Variants in ABHD2 observed in about 807,000 individuals in gnomAD.
ABHD2 encodes the protein monoacylglycerol lipase ABHD2.
Under a neutral mutation model 48.1 loss-of-function variants are expected in ABHD2, and 20 were observed. The observed-to-expected ratio is 0.42, with a 90% CI of 0.29 to 0.60. The LOEUF (loss-of-function observed/expected upper bound fraction) is 0.60, where lower values mean the gene tolerates loss of function less well. Among genes scored for constraint, ABHD2 ranks in the 20% least tolerant of loss-of-function variants. The probability of loss-of-function intolerance (pLI) is 0.24; values close to 1 mark genes in which losing one functional copy is unlikely to be tolerated. For missense variants in ABHD2, 405 were observed against 550.9 expected, an observed-to-expected ratio of 0.74 and a Z score of 2.65; for synonymous variants, 209 against 214.2, an observed-to-expected ratio of 0.98 and a Z score of 0.21.
At chr15:89,181,445 T>C (rs2150937452) in intron 6 of ABHD2, among the ~76,000 whole-genome samples, 1 of 152,254 alleles carries the variant, frequency 6.6e-6, no homozygotes, top group Admixed American at 6.5e-5. Context: ...TTCAAGGTAT[T>C]TTTTTAGTAT....
At chr15:89,053,580 G>A in the ABHD2 span, among the ~76,000 whole-genome samples, 1 of 152,198 alleles carries the variant, frequency 6.6e-6, no homozygotes, top group Non-Finnish European at 1.5e-5. Context: ...TTTGAAGGGA[G>A]TGTAAGGCCC....
chr15:89,063,745 T>G, the ABHD2 span, among the ~76,000 whole-genome samples: 1 of 152,160 alleles, frequency 6.6e-6, no homozygotes, highest in Non-Finnish European at 1.5e-5. Context: ...CTTCCAGAAC[T>G]TTTTCATCTT....
At position 89,092,202 on chromosome 15, in the gene ABHD2, T is replaced by A. The variant is rs970488327; in HGVS notation, c.-107+3639T>A. ...CCTGAAGCTTGTGGACTGGGGCCAT[T>A]TGGGTGAGGGGCTTGTTACACACCG... On this transcript the variant is annotated intron_variant, in intron 1 of 10. Transcript: ENST00000352732. This position sits in a 1 kb window ranked among gnomAD's most constrained non-coding sequence, Gnocchi z 4.4. Among the ~76,000 whole-genome samples the A allele has an allele frequency of 2.0e-5, 3 of 152,168 alleles. No individual in the cohort carries two copies. The highest frequency in any genetic ancestry group is 7.2e-5 in the African/African-American group (3 of 41,442).
At position 89,195,198 on chromosome 15, in the gene ABHD2, T is replaced by G; in HGVS notation, c.1082-29T>G. On this transcript the variant is annotated intron_variant, in intron 10 of 10. Coordinates refer to ENST00000352732, the MANE Select transcript of ABHD2 (RefSeq NM_152924.5). The surrounding 1 kb of genome is among the most constrained non-coding windows in gnomAD (Gnocchi z 5.1). Reference sequence around the variant, plus strand: ...TGTCCTGGAGCAAACTAGAGAACAGTAACTCACTCAGCTGCGTTTCCCCTG... The same window carrying G: ...TGTCCTGGAGCAAACTAGAGAACAGGAACTCACTCAGCTGCGTTTCCCCTG... 6.2e-7 allele frequency: 1 copy of G among 1,602,494 alleles called. No individual in the cohort carries two copies. Among genetic ancestry groups the G allele is most frequent in the Admixed American group, 1.7e-5 (1 of 59,304 alleles).
chr15:89,159,905 TG>T (rs1332204001), intron 5 of ABHD2, among the ~76,000 whole-genome samples: 1 of 152,232 alleles, frequency 6.6e-6, no homozygotes, highest in East Asian at 1.9e-4. Flanking sequence ...CCATACTATT[TG>T]TTTTTTTGTG....
intron 1 of ABHD2, among the ~76,000 whole-genome samples, chr15:89,098,164 G>A (rs2049643725): frequency 2.0e-5 from 3 of 152,226 alleles, no homozygotes; most frequent in South Asian, 2.1e-4. Context: ...ACAGATGTGC[G>A]CCATGGCACC....
intron 3 of ABHD2, among the ~76,000 whole-genome samples, chr15:89,129,612 G>C (rs2050187977): frequency 2.0e-5 from 3 of 152,052 alleles, no homozygotes; most frequent in Admixed American, 2.0e-4. Flanking sequence ...AAGTGAGAGG[G>C]TGAAGTTAGC....
chr15:89,158,769 GT>G (rs2050714866), intron 5 of ABHD2, among the ~76,000 whole-genome samples: 1 of 151,948 alleles, frequency 6.6e-6, no homozygotes, highest in Non-Finnish European at 1.5e-5. Flanking sequence ...AGGGAGTGAA[GT>G]AGTGCAATCA....
intron 3 of ABHD2, among the ~76,000 whole-genome samples, chr15:89,139,273 G>A (rs1200546535): frequency 6.6e-6 from 1 of 152,080 alleles, no homozygotes; most frequent in Non-Finnish European, 1.5e-5. Flanking sequence ...GAGAGATTTG[G>A]TGCTCAGAAA....
At chr15:89,152,667 C>T (rs1458973440) in intron 4 of ABHD2, among the ~76,000 whole-genome samples, 1 of 152,204 alleles carries the variant, frequency 6.6e-6, no homozygotes, top group Non-Finnish European at 1.5e-5. Context: ...CCCAGGTTCC[C>T]TTTGCTTAGG....
intron 1 of ABHD2, among the ~76,000 whole-genome samples, chr15:89,110,840 T>TG (rs1211547131): frequency 1.3e-5 from 2 of 152,238 alleles, no homozygotes; most frequent in Non-Finnish European, 2.9e-5. Context: ...AATTCTCTAC[T>TG]GCATTTGCTA....
At chr15:89,061,136 G>A in the ABHD2 span, among the ~76,000 whole-genome samples, 1 of 152,058 alleles carries the variant, frequency 6.6e-6, no homozygotes, top group Non-Finnish European at 1.5e-5. Flanking sequence ...CCTACTGGGG[G>A]CCGGGCATGG....
intron 3 of ABHD2, among the ~76,000 whole-genome samples, chr15:89,142,555 C>T (rs2289439): frequency 0.14 from 20,900 of 152,134 alleles, 1,822 homozygotes; most frequent in African/African-American, 0.24. Context: ...AATTAGAGCA[C>T]GGTAACTATT....
intron 9 of ABHD2, among the ~76,000 whole-genome samples, chr15:89,191,619 AT>A (rs2051306537): frequency 2.1e-5 from 3 of 140,924 alleles, no homozygotes; most frequent in African/African-American, 7.9e-5. Flanking sequence ...GAGCATGTCT[AT>A]TTTTTTCTTT....
chr15:89,056,768 C>G, the ABHD2 span, among the ~76,000 whole-genome samples: 2 of 152,206 alleles, frequency 1.3e-5, no homozygotes, highest in East Asian at 1.9e-4. Flanking sequence ...TCATTCACCT[C>G]ACTGGGCCTC....
rs760472202 is a variant in ABHD2 at position 89,146,574 on chromosome 15, G to A, written c.195-5103G>A. ...TGTTAGTAACAAACATTTATTAACCGCTGGCCACGGCACAACATTGGCCAC... is the reference window on the plus strand; with the variant it reads ...TGTTAGTAACAAACATTTATTAACCACTGGCCACGGCACAACATTGGCCAC... On this transcript the variant is annotated intron_variant, in intron 3 of 10. Coordinates refer to ENST00000352732, the MANE Select transcript of ABHD2 (RefSeq NM_152924.5). This position sits in a 1 kb window ranked among gnomAD's most constrained non-coding sequence, Gnocchi z 4.2. Among the ~76,000 whole-genome samples, 23 of 152,004 alleles carry A rather than the reference G, an allele frequency of 1.5e-4. No homozygotes were observed. Among genetic ancestry groups the A allele is most frequent in the Admixed American group, 3.9e-4 (6 of 15,260 alleles).
intron 3 of ABHD2, among the ~76,000 whole-genome samples, chr15:89,127,997 T>C (rs1022630406): frequency 6.6e-6 from 1 of 152,070 alleles, no homozygotes; most frequent in African/African-American, 2.4e-5. Flanking sequence ...CACATATGTA[T>C]CTCTCGTCAC....
upstream of ABHD2, among the ~76,000 whole-genome samples, chr15:89,083,269 G>C (rs577165054): frequency 2.2e-4 from 33 of 152,200 alleles, no homozygotes; most frequent in African/African-American, 7.7e-4. This position sits in a 1 kb window ranked among gnomAD's most constrained non-coding sequence, Gnocchi z 5.1. Flanking sequence ...TGTAGGAAAG[G>C]GTGTATGATG....
intron 1 of ABHD2, among the ~76,000 whole-genome samples, chr15:89,093,275 G>T (rs1409327791): frequency 6.6e-6 from 1 of 151,094 alleles, no homozygotes; most frequent in Non-Finnish European, 1.5e-5. Context: ...CTGCTTCGCG[G>T]GTTCAAACGA....
Sources: gnomAD v4.1 joint callset for allele counts (sites outside exome capture counted in the v4.1 genomes callset) on GRCh38, gnomAD v4.1.1 for gene constraint, Gnocchi (gnomAD v3.1) non-coding constraint, MANE v1.5 for transcripts, NCBI Gene and HGNC (gene_info 2026-07-23, HGNC 2026-07-21) for gene names.